The following BRSK2 variants were observed in gnomAD, a reference collection of about 807,000 sequenced individuals.
BRSK2 encodes the protein serine/threonine-protein kinase BRSK2.
BRSK2 carries 19 observed loss-of-function variants against 83.3 expected under a neutral mutation model. That is an observed-to-expected ratio of 0.23 (90% confidence interval 0.16 to 0.33). The LOEUF (loss-of-function observed/expected upper bound fraction) is 0.33. BRSK2 is among the 10% of genes least tolerant of loss of function. BRSK2 has a pLI of 1.00. For missense variants in BRSK2, 798 were observed against 1,042.3 expected (o/e 0.77, Z 3.23); for synonymous variants, 519 against 435.4 (o/e 1.19, Z -2.39).
At chr11:1,447,804 A>T in intron 12 of BRSK2, 1 of 1,597,226 alleles carries the variant, frequency 6.3e-7, no homozygotes, top group Non-Finnish European at 8.5e-7. Flanking sequence ...GTAGTAAAGC[A>T]ATGTTCAGTA....
intron 1 of BRSK2, among the ~76,000 whole-genome samples, chr11:1,419,648 C>T (rs1034249475): frequency 8.5e-5 from 13 of 152,230 alleles, no homozygotes; most frequent in African/African-American, 2.4e-4. Flanking sequence ...CAGTGGCTCA[C>T]GCCTGTAATC....
intron 1 of BRSK2, among the ~76,000 whole-genome samples, chr11:1,396,411 C>T (rs760935855): frequency 8.4e-4 from 128 of 152,342 alleles, no homozygotes; most frequent in Non-Finnish European, 1.4e-3. Flanking sequence ...TCCTGGTTCT[C>T]ACTCCCGAGT....
intron 1 of BRSK2, among the ~76,000 whole-genome samples, chr11:1,403,076 G>A (rs12808448): frequency 0.25 from 37,313 of 152,114 alleles, 4,854 homozygotes; most frequent in Middle Eastern, 0.43. Context: ...CTGGCTGCAG[G>A]CCTCTGCCCG....
intron 12 of BRSK2, among the ~76,000 whole-genome samples, chr11:1,448,811 G>T (rs969247534): frequency 1.3e-5 from 2 of 152,242 alleles, no homozygotes; most frequent in Non-Finnish European, 2.9e-5. Flanking sequence ...GGTCGTCACC[G>T]TGGGGACCAG....
intron 1 of BRSK2, among the ~76,000 whole-genome samples, chr11:1,398,085 C>A: frequency 6.6e-6 from 1 of 152,262 alleles, no homozygotes; most frequent in East Asian, 1.9e-4. Context: ...GGGTGGTTTG[C>A]GGGGGCACAG....
intron 1 of BRSK2, among the ~76,000 whole-genome samples, chr11:1,396,378 C>T (rs543343626): frequency 8.4e-4 from 128 of 152,306 alleles, no homozygotes; most frequent in Non-Finnish European, 1.6e-3. Context: ...GACCGGCTCC[C>T]GGACCTGGGC....
chr11:1,394,169 TCCTGGAGATGGGCC>T (rs1845911678), intron 1 of BRSK2, among the ~76,000 whole-genome samples: 1 of 65,348 alleles, frequency 1.5e-5, no homozygotes, highest in Non-Finnish European at 2.9e-5. Context: ...TGGAGATGGG[TCCTGGAGATGGGCC>T]CCTGGAGATG....
At chr11:1,426,505 G>A (rs776307749) in intron 1 of BRSK2, among the ~76,000 whole-genome samples, 6 of 152,168 alleles carry the variant, frequency 3.9e-5, no homozygotes, top group Non-Finnish European at 7.4e-5. Flanking sequence ...GGCAAATCTC[G>A]GTCTCGAGCC....
At chr11:1,419,673 G>A (rs1229188349) in intron 1 of BRSK2, among the ~76,000 whole-genome samples, 2 of 152,204 alleles carry the variant, frequency 1.3e-5, no homozygotes, top group South Asian at 4.1e-4. Flanking sequence ...CACTTTGGGG[G>A]GCCATGGCGG....
chr11:1,414,190 G>A (rs1436845385), intron 1 of BRSK2, among the ~76,000 whole-genome samples: 1 of 152,206 alleles, frequency 6.6e-6, no homozygotes, highest in Admixed American at 6.5e-5. Context: ...ACACCCCAAA[G>A]TTGCCATTGT....
intron 1 of BRSK2, among the ~76,000 whole-genome samples, chr11:1,416,950 G>A (rs1455451167): frequency 3.3e-5 from 5 of 152,190 alleles, no homozygotes; most frequent in African/African-American, 1.2e-4. Flanking sequence ...CACGAGGTCA[G>A]GCGTTCGAGA....
chr11:1,427,372 C>T (rs1034538140), intron 1 of BRSK2, among the ~76,000 whole-genome samples: 14 of 152,314 alleles, frequency 9.2e-5, no homozygotes, highest in South Asian at 6.2e-4. Flanking sequence ...TCAGATACCA[C>T]GTGCAGGGTA....
intron 1 of BRSK2, chr11:1,411,742 G>A: frequency 6.9e-7 from 1 of 1,444,302 alleles, no homozygotes; most frequent in Non-Finnish European, 9.3e-7. Flanking sequence ...CAGCACTGGT[G>A]GGCTGCACCT....
At chr11:1,456,812 A>G (rs1008101854) in intron 18 of BRSK2, 125 bp downstream of exon 18, 24 of 1,305,774 alleles carry the variant, frequency 1.8e-5, no homozygotes, top group African/African-American at 2.9e-5. Context: ...GGACGCCCCC[A>G]CCTCCCTGCC....
In BRSK2 at chr11:1,397,190, G is replaced by A. The variant is rs748677638; in HGVS notation, c.91+6815G>A. 6.4e-4 allele frequency among the ~76,000 whole-genome samples: 97 copies of A among 152,356 alleles called. 1 individual carries two copies. Among genetic ancestry groups the A allele is most frequent in the Admixed American group, 2.1e-3 (32 of 15,310 alleles). ...AGGTCCTAGCCTAGGCTGACCAAGC[G>A]GCCTGCAGATCTCCCTGAGGCCTCA... On this transcript the variant is annotated intron_variant, in intron 1 of 19. Coordinates refer to ENST00000528841, the MANE Select transcript of BRSK2 (RefSeq NM_001256627.2).
chr11:1,419,115 G>C (rs1848391621), intron 1 of BRSK2, among the ~76,000 whole-genome samples: 1 of 149,316 alleles, frequency 6.7e-6, no homozygotes, highest in Non-Finnish European at 1.5e-5. Context: ...GGCTCTGCAG[G>C]TGCGTGTCAG....
Position 1,456,380 on chromosome 11 carries a change from A to G in BRSK2, c.1701A>G (p.Gln567=). The change falls in exon 17 of 20, where the codon CAA becomes CAG. Residue 567 remains glutamine (Q), a synonymous_variant. Transcript: ENST00000528841. ...IPSLSHSVIS[Q]TSFRAEYKAT... is the part of the protein sequence containing the mutation. ...GTCTCAGCCACAGCGTCATCTCCCA[A>G]ACGAGCTTCCGGGCCGAGTACAAGG... The G allele has an allele frequency of 6.3e-7, 1 of 1,590,142 alleles. No homozygotes were observed. The highest frequency in any genetic ancestry group is 1.3e-5 in the African/African-American group (1 of 74,340).
chr11:1,411,254 C>T (rs760851163), intron 1 of BRSK2: 3 of 1,294,726 alleles, frequency 2.3e-6, no homozygotes, highest in Non-Finnish European at 2.9e-6. Context: ...CACAGCCTTG[C>T]TCCTGGGCCA....
chr11:1,457,936 T>C (rs11607958), intron 18 of BRSK2, among the ~76,000 whole-genome samples: 60,559 of 151,906 alleles, frequency 0.4, 12,693 homozygotes, highest in African/African-American at 0.5. Context: ...GCACAGCGGG[T>C]AAGGAGGAGC....
Sources: gnomAD v4.1 joint callset for allele counts (sites outside exome capture counted in the v4.1 genomes callset) on GRCh38, gnomAD v4.1.1 for gene constraint, MANE v1.5 for transcripts, NCBI Gene and HGNC (gene_info 2026-07-23, HGNC 2026-07-21) for gene names.